The following CTDP1 variants were observed in gnomAD, a reference collection of about 807,000 sequenced individuals.
CTDP1 encodes the protein CTD phosphatase 1.
CTDP1 carries 47 observed loss-of-function variants against 91.8 expected under a neutral mutation model. That is an observed-to-expected ratio of 0.51 (90% confidence interval 0.41 to 0.65). CTDP1 has a LOEUF of 0.65. Among genes scored for constraint, CTDP1 ranks in the 30% least tolerant of loss-of-function variants. The pLI, the probability that CTDP1 is intolerant of heterozygous loss-of-function variation, is 0.00. For synonymous variants in CTDP1, 656 were observed against 598.5 expected, an observed-to-expected ratio of 1.10 and a Z score of -1.40; for missense variants, 1,272 against 1,373.7, an observed-to-expected ratio of 0.93 and a Z score of 1.17.
intron 5 of CTDP1, 28 bp downstream of exon 5, chr18:79,704,945 G>A (rs769980393): frequency 1.9e-5 from 30 of 1,611,502 alleles, no homozygotes; most frequent in Admixed American, 5.0e-5. Flanking sequence ...CGAAGAGGCC[G>A]TGTGAACAGT....
At chr18:79,728,810 G>GTGTT (rs2086504579) in intron 10 of CTDP1, 97 bp from the exon 11 acceptor site, 10 of 1,199,952 alleles carry the variant, frequency 8.3e-6, no homozygotes, top group Non-Finnish European at 1.0e-5. Context: ...GGGTGTGTGA[G>GTGTT]TGTTTACCTA....
intron 8 of CTDP1, among the ~76,000 whole-genome samples, chr18:79,717,126 G>C (rs2086227360): frequency 6.7e-6 from 1 of 150,248 alleles, no homozygotes; most frequent in African/African-American, 2.5e-5. Flanking sequence ...GCCCTGGTGG[G>C]GTACAGCTGG....
At chr18:79,756,486 T>C (rs1037360950), downstream of CTDP1, 1 of 152,258 alleles carries the variant, frequency 6.6e-6, no homozygotes, top group Non-Finnish European at 1.5e-5. Context: ...AAGTCATCTG[T>C]GATCATTGTT....
upstream of CTDP1, chr18:79,677,812 A>G (rs1192633174): frequency 6.6e-6 from 1 of 152,020 alleles, no homozygotes; most frequent in Non-Finnish European, 1.5e-5. Flanking sequence ...TACAGTGTGA[A>G]CCAGGGGTTC....
At chr18:79,747,957 G>A (rs2086914047) in intron 12 of CTDP1, among the ~76,000 whole-genome samples, 1 of 152,212 alleles carries the variant, frequency 6.6e-6, no homozygotes, top group Non-Finnish European at 1.5e-5. Flanking sequence ...TTGGAAAACT[G>A]AAATATGGGG....
chr18:79,687,814 G>T (rs1344367874), intron 1 of CTDP1, among the ~76,000 whole-genome samples: 2 of 152,218 alleles, frequency 1.3e-5, no homozygotes, highest in East Asian at 3.9e-4. Context: ...GTCTGTGGAG[G>T]TTCTGAGGCA....
intron 10 of CTDP1, among the ~76,000 whole-genome samples, chr18:79,727,461 G>C (rs2086473909): frequency 6.6e-6 from 1 of 151,832 alleles, no homozygotes; most frequent in African/African-American, 2.4e-5. Context: ...GTGTTCGTGG[G>C]ATGGGAAGCG....
chr18:79,680,922 A>AC (rs2085350748), intron 1 of CTDP1: 2 of 152,306 alleles, frequency 1.3e-5, no homozygotes, highest in African/African-American at 4.8e-5. Flanking sequence ...GTTTGAATCT[A>AC]CCCTTGTGTT....
At chr18:79,682,810 A>G (rs1288868084) in intron 1 of CTDP1, among the ~76,000 whole-genome samples, 1 of 152,204 alleles carries the variant, frequency 6.6e-6, no homozygotes, top group Non-Finnish European at 1.5e-5. Context: ...AAGTCTTTCC[A>G]TAATAGATTG....
chr18:79,728,861 A>C lies in CTDP1; in HGVS notation c.2418-46A>C, dbSNP rs200177725. On this transcript the variant is annotated intron_variant, in intron 10 of 12. Coordinates refer to ENST00000613122, the MANE Select transcript of CTDP1 (RefSeq NM_004715.5). Reference sequence around the variant, plus strand: ...GTCTGATTCGGTGCGGAAAAGTGCCATTCGAACTGACCTTCCTCATGTGGG... The same window carrying C: ...GTCTGATTCGGTGCGGAAAAGTGCCCTTCGAACTGACCTTCCTCATGTGGG... The C allele has an allele frequency of 2.4e-4, 394 of 1,609,090 alleles. 2 individuals carry two copies. Among genetic ancestry groups the C allele is most frequent in the Non-Finnish European group, 1.1e-5 (13 of 1,178,830 alleles).
At chr18:79,722,293 T>C (rs141835687) in intron 10 of CTDP1, among the ~76,000 whole-genome samples, 1 of 152,352 alleles carries the variant, frequency 6.6e-6, no homozygotes, top group East Asian at 1.9e-4. Context: ...GAAATGTGTA[T>C]AATTTACGTG....
intron 1 of CTDP1, among the ~76,000 whole-genome samples, chr18:79,693,684 C>T (rs1272238462): frequency 2.0e-5 from 3 of 152,286 alleles, no homozygotes; most frequent in South Asian, 2.1e-4. Context: ...ACTCCATCCC[C>T]GAGGGCTCGG....
upstream of CTDP1, chr18:79,677,359 G>A (rs984770485): frequency 3.3e-5 from 5 of 152,296 alleles, no homozygotes; most frequent in Non-Finnish European, 5.9e-5. Flanking sequence ...AATAGGCTCA[G>A]AGAGACTCCA....
chr18:79,712,668 G>A (rs761510947), intron 6 of CTDP1, among the ~76,000 whole-genome samples: 6 of 152,306 alleles, frequency 3.9e-5, no homozygotes, highest in Middle Eastern at 3.4e-3. Flanking sequence ...ACATGGTCAC[G>A]CCCACACGGT....
At chr18:79,748,029 A>G (rs1361645747) in intron 12 of CTDP1, among the ~76,000 whole-genome samples, 3 of 152,194 alleles carry the variant, frequency 2.0e-5, no homozygotes, top group Admixed American at 6.6e-5. Flanking sequence ...TGAATTTGAG[A>G]TAAATGTTAA....
In CTDP1 at chr18:79,753,793, G is replaced by T. The variant is rs368789474; in HGVS notation, c.*3G>T. 1 of 1,612,150 alleles carries T rather than the reference G, an allele frequency of 6.2e-7. No individual in the cohort carries two copies. The highest frequency in any genetic ancestry group is 1.3e-5 in the African/African-American group (1 of 74,892). On this transcript the variant is annotated 3_prime_UTR_variant, in exon 13 of 13. Coordinates refer to ENST00000613122, the MANE Select transcript of CTDP1 (RefSeq NM_004715.5). ...CGGAGCTCAACGACCTCATGTGAGC[G>T]CGGGCAGCGGGCAGGGACTGAAGCC...
At chr18:79,721,829 T>A (rs1568202476) in intron 10 of CTDP1, among the ~76,000 whole-genome samples, 1 of 91,646 alleles carries the variant, frequency 1.1e-5, no homozygotes, top group Non-Finnish European at 2.2e-5. Flanking sequence ...TTTTTATTTA[T>A]TTTTTTTTTT....
At chr18:79,726,531 G>T (rs2086445912) in intron 10 of CTDP1, among the ~76,000 whole-genome samples, 1 of 152,026 alleles carries the variant, frequency 6.6e-6, no homozygotes, top group Non-Finnish European at 1.5e-5. Flanking sequence ...AGTGATACTG[G>T]ATTGAAACCT....
chr18:79,729,142 G>T (rs1362283314), intron 11 of CTDP1, 73 bp downstream of exon 11: 3 of 1,594,992 alleles, frequency 1.9e-6, no homozygotes, highest in Non-Finnish European at 2.6e-6. Flanking sequence ...TGTGCGGGCG[G>T]ATTGCTGAGC....
Sources: gnomAD v4.1 joint callset for allele counts (sites outside exome capture counted in the v4.1 genomes callset) on GRCh38, gnomAD v4.1.1 for gene constraint, MANE v1.5 for transcripts, NCBI Gene and HGNC (gene_info 2026-07-23, HGNC 2026-07-21) for gene names.